COL24A1: variants seen among roughly 807,000 people sequenced by gnomAD.
COL24A1 encodes collagen type XXIV alpha 1 chain, also known as collagen alpha-1(XXIV) chain.
Under a neutral mutation model 253.9 loss-of-function variants are expected in COL24A1, and 224 were observed. The observed-to-expected ratio is 0.88, with a 90% CI of 0.79 to 0.99. The LOEUF is 0.99. Ranked by LOEUF, COL24A1 falls within the 50% of genes least tolerant of loss-of-function variation. The pLI, the probability that COL24A1 is intolerant of heterozygous loss-of-function variation, is 0.00. For missense variants in COL24A1, 2,131 were observed against 2,068.5 expected (o/e 1.03, Z -0.59); for synonymous variants, 685 against 673.7 (o/e 1.02, Z -0.26).
chr1:85,766,115 C>T (rs1667339179), intron 53 of COL24A1, among the ~76,000 whole-genome samples: 1 of 151,754 alleles, frequency 6.6e-6, no homozygotes, highest in African/African-American at 2.4e-5. Context: ...CCTCTAATCC[C>T]AGCACTTTGG....
At chr1:85,833,830 A>T (rs577155795) in intron 43 of COL24A1, among the ~76,000 whole-genome samples, 2 of 152,184 alleles carry the variant, frequency 1.3e-5, no homozygotes, top group East Asian at 3.9e-4. Flanking sequence ...CATGGATGAA[A>T]CTGGAAACCA....
chr1:85,742,562 T>G (rs1218040382), intron 57 of COL24A1, among the ~76,000 whole-genome samples: 1 of 152,212 alleles, frequency 6.6e-6, no homozygotes, highest in Non-Finnish European at 1.5e-5. Flanking sequence ...ACCTTGAACT[T>G]GAGTAGTCAA....
chr1:86,086,663 A>G (rs1270178641), intron 7 of COL24A1, among the ~76,000 whole-genome samples: 1 of 152,180 alleles, frequency 6.6e-6, no homozygotes, highest in Non-Finnish European at 1.5e-5. Context: ...GTAGGAACAC[A>G]TCAAACATGA....
chr1:86,079,585 A>G (rs1387878363), intron 7 of COL24A1, among the ~76,000 whole-genome samples: 1 of 152,196 alleles, frequency 6.6e-6, no homozygotes, highest in Non-Finnish European at 1.5e-5. Context: ...AGAATGTAGA[A>G]GGTGCTCAAA....
intron 14 of COL24A1, among the ~76,000 whole-genome samples, chr1:86,028,822 A>G (rs1425984884): frequency 1.3e-5 from 2 of 152,210 alleles, no homozygotes; most frequent in East Asian, 3.9e-4. Context: ...GTAGAGATAG[A>G]GTGTTTCAGG....
intron 24 of COL24A1, among the ~76,000 whole-genome samples, chr1:85,939,649 G>A (rs1025935646): frequency 6.6e-6 from 1 of 152,118 alleles, no homozygotes; most frequent in Non-Finnish European, 1.5e-5. Flanking sequence ...AAAGACTGAA[G>A]ACACTTTGAC....
intron 24 of COL24A1, among the ~76,000 whole-genome samples, chr1:85,926,231 T>G (rs1243645191): frequency 6.6e-6 from 1 of 152,140 alleles, no homozygotes; most frequent in Non-Finnish European, 1.5e-5. Context: ...CTGGTGGGAG[T>G]GTAAACTAGT....
chr1:85,960,926 T>TAAATAAATAAAA (rs1553243199), intron 24 of COL24A1: 1 of 165,664 alleles, frequency 6.0e-6, no homozygotes, highest in Non-Finnish European at 1.2e-5. Flanking sequence ...AATAAATAAA[T>TAAATAAATAAAA]AAAATAGTGA....
At chr1:85,992,719 T>C (rs1019090565) in intron 19 of COL24A1, among the ~76,000 whole-genome samples, 3 of 152,192 alleles carry the variant, frequency 2.0e-5, no homozygotes, top group African/African-American at 7.2e-5. Context: ...AATTCATTTT[T>C]ATAAATTTAA....
At chr1:85,854,474 T>G (rs1043045105) in intron 37 of COL24A1, among the ~76,000 whole-genome samples, 1 of 152,244 alleles carries the variant, frequency 6.6e-6, no homozygotes, top group African/African-American at 2.4e-5. Context: ...ATAAGAATTT[T>G]AGAATGGCTT....
At chr1:85,971,968 T>C (rs1692211641) in intron 20 of COL24A1, among the ~76,000 whole-genome samples, 1 of 152,186 alleles carries the variant, frequency 6.6e-6, no homozygotes, top group Non-Finnish European at 1.5e-5. Context: ...ACTAAAAAAG[T>C]ATTTTGTTAA....
intron 3 of COL24A1, among the ~76,000 whole-genome samples, chr1:86,123,686 A>G (rs1034211226): frequency 2.6e-5 from 4 of 152,040 alleles, no homozygotes; most frequent in Non-Finnish European, 5.9e-5. Flanking sequence ...TTAATATTAT[A>G]TGTCCAGTGA....
intron 5 of COL24A1, among the ~76,000 whole-genome samples, chr1:86,111,630 G>A (rs1705617745): frequency 6.6e-6 from 1 of 152,076 alleles, no homozygotes; most frequent in African/African-American, 2.4e-5. Context: ...CAACTGGCTT[G>A]GGTCCCCTTC....
intron 39 of COL24A1, among the ~76,000 whole-genome samples, chr1:85,843,608 GA>G (rs541945287): frequency 1.3e-5 from 2 of 152,072 alleles, no homozygotes; most frequent in Non-Finnish European, 2.9e-5. Flanking sequence ...AATATGCAAA[GA>G]AAAAAATCAT....
intron 43 of COL24A1, among the ~76,000 whole-genome samples, chr1:85,832,579 G>A (rs1675439242): frequency 6.6e-6 from 1 of 150,378 alleles, no homozygotes. Context: ...TCTTCCATTT[G>A]TTTGTATCCT....
intron 12 of COL24A1, among the ~76,000 whole-genome samples, chr1:86,035,047 A>G (rs984735019): frequency 3.3e-5 from 5 of 152,174 alleles, no homozygotes; most frequent in Non-Finnish European, 7.4e-5. Flanking sequence ...TTCCCAGAGC[A>G]AATATGAATA....
chr1:85,837,364 C>T (rs1197156285), intron 43 of COL24A1, among the ~76,000 whole-genome samples: 1 of 152,122 alleles, frequency 6.6e-6, no homozygotes, highest in African/African-American at 2.4e-5. Context: ...TTTCAGATTC[C>T]TCTGGCTTGA....
At chr1:85,961,815 G>T (rs1234590155) in intron 23 of COL24A1, among the ~76,000 whole-genome samples, 1 of 152,116 alleles carries the variant, frequency 6.6e-6, no homozygotes, top group Non-Finnish European at 1.5e-5. Flanking sequence ...TGCCACACAC[G>T]TTTAAACTGT....
intron 20 of COL24A1, among the ~76,000 whole-genome samples, chr1:85,975,911 C>A (rs72954600): frequency 6.6e-6 from 1 of 152,066 alleles, no homozygotes; most frequent in Non-Finnish European, 1.5e-5. Context: ...ACTGATTTAG[C>A]GTGAAACATA....
Sources: allele counts gnomAD v4.1 joint callset (sites outside exome capture counted in the v4.1 genomes callset), GRCh38; gene constraint gnomAD v4.1.1; transcripts MANE v1.5; gene names NCBI Gene and HGNC (gene_info 2026-07-23, HGNC 2026-07-21).